Variants in EEFSEC observed in about 807,000 individuals in gnomAD.
EEFSEC encodes selenocysteine-specific elongation factor.
In EEFSEC, 43 loss-of-function variants were observed where a neutral mutation model predicts 42.1. That is an observed-to-expected ratio of 1.02 (90% CI 0.80 to 1.32). The LOEUF (loss-of-function observed/expected upper bound fraction) is 1.32. Among genes scored for constraint, EEFSEC ranks in the 40% most tolerant of loss-of-function variants. The pLI, the probability that EEFSEC is intolerant of heterozygous loss-of-function variation, is 0.00. For missense variants in EEFSEC, 745 were observed against 803.6 expected, an observed-to-expected ratio of 0.93 and a Z score of 0.88; for synonymous variants, 354 against 339.1, an observed-to-expected ratio of 1.04 and a Z score of -0.48.
At chr3:128,358,744 C>T (rs920118469) in intron 6 of EEFSEC, among the ~76,000 whole-genome samples, 5 of 152,124 alleles carry the variant, frequency 3.3e-5, no homozygotes, top group African/African-American at 1.2e-4. Flanking sequence ...GGGGGCCTGG[C>T]ATACTGTCCT....
At chr3:128,254,022 G>C (rs995851230) in intron 2 of EEFSEC, among the ~76,000 whole-genome samples, 9 of 152,192 alleles carry the variant, frequency 5.9e-5, no homozygotes, top group Non-Finnish European at 1.2e-4. Context: ...CAGGGCAGTG[G>C]GATGAGGTTT....
chr3:128,400,157 T>TA lies in EEFSEC; in HGVS notation c.1601-7911dup, dbSNP rs1490649017. On this transcript the variant is annotated intron_variant, in intron 6 of 6. Transcript: ENST00000254730. The stretch of plus-strand genomic sequence containing the variant: ...GCCTGCCTCCAGCCACGCCCTGACT[T>TA]AGAGGTCTCACTGGAGCACTGTGCC... 2.0e-5 allele frequency among the ~76,000 whole-genome samples: 3 copies of TA among 152,226 alleles called. 1 individual carries two copies. Among genetic ancestry groups the TA allele is most frequent in the Non-Finnish European group, 4.4e-5 (3 of 68,018 alleles).
chr3:128,248,023 G>C (rs1274660042), intron 2 of EEFSEC, among the ~76,000 whole-genome samples: 5 of 152,214 alleles, frequency 3.3e-5, no homozygotes, highest in Admixed American at 6.5e-5. Context: ...GGCACAGGGG[G>C]ACTGTGAGAC....
At position 128,322,659 on chromosome 3, in the gene EEFSEC, C is replaced by T. The variant is rs76504775; in HGVS notation, c.787-18574C>T. 5.9e-3 allele frequency among the ~76,000 whole-genome samples: 897 copies of T among 152,338 alleles called. 10 individuals are homozygous for T. The highest frequency in any genetic ancestry group is 0.02 in the African/African-American group (841 of 41,574). On this transcript the variant is annotated intron_variant, in intron 4 of 6. Transcript: ENST00000254730. ...GTGAGCCGTTCAGACATGAGAGTAG[C>T]GGCTGAGCTGATGGGGCAGAGACTC...
At chr3:128,412,372 A>C (rs2068180012), downstream of EEFSEC, among the ~76,000 whole-genome samples, 1 of 152,252 alleles carries the variant, frequency 6.6e-6, no homozygotes, top group Non-Finnish European at 1.5e-5. Context: ...GGGGGTTAGC[A>C]TCTCCAGATT....
At chr3:128,198,642 C>T (rs1199737176) in intron 1 of EEFSEC, among the ~76,000 whole-genome samples, 4 of 152,276 alleles carry the variant, frequency 2.6e-5, no homozygotes, top group Non-Finnish European at 5.9e-5. Flanking sequence ...ACACTGGGGA[C>T]ATTCCTTTCT....
At chr3:128,167,364 T>C (rs796736179) in intron 1 of EEFSEC, among the ~76,000 whole-genome samples, 7 of 152,350 alleles carry the variant, frequency 4.6e-5, no homozygotes, top group African/African-American at 1.7e-4. Context: ...AGAGTAAATA[T>C]TTGGTGCATG....
At chr3:128,365,578 ACCCCT>A (rs2067580979) in intron 6 of EEFSEC, among the ~76,000 whole-genome samples, 1 of 150,970 alleles carries the variant, frequency 6.6e-6, no homozygotes, top group Admixed American at 6.6e-5. Flanking sequence ...GTGTGCACCC[ACCCCT>A]CACCTGCCAG....
At chr3:128,219,683 A>G (rs1400515764) in intron 1 of EEFSEC, among the ~76,000 whole-genome samples, 1 of 152,114 alleles carries the variant, frequency 6.6e-6, no homozygotes, top group African/African-American at 2.4e-5. Flanking sequence ...ATCTCACACT[A>G]GAATGTAAAC....
intron 4 of EEFSEC, among the ~76,000 whole-genome samples, 192 bp downstream of exon 4, chr3:128,264,973 T>C (rs2066338507): frequency 6.6e-6 from 1 of 152,182 alleles, no homozygotes; most frequent in Non-Finnish European, 1.5e-5. Context: ...ATTCTAGGAC[T>C]GCTGCTCTCC....
chr3:128,224,714 T>G (rs564352308), intron 1 of EEFSEC, among the ~76,000 whole-genome samples: 68 of 152,344 alleles, frequency 4.5e-4, no homozygotes, highest in African/African-American at 1.5e-3. Context: ...ATAGACATTT[T>G]CTTGCGTAAA....
intron 1 of EEFSEC, among the ~76,000 whole-genome samples, chr3:128,199,696 C>T (rs890578971): frequency 3.9e-5 from 6 of 151,930 alleles, no homozygotes; most frequent in Non-Finnish European, 5.9e-5. Flanking sequence ...CCAAATTGCC[C>T]CTCCCTGCAA....
intron 6 of EEFSEC, among the ~76,000 whole-genome samples, chr3:128,362,584 ATG>A (rs2067540729): frequency 1.3e-5 from 2 of 152,358 alleles, no homozygotes; most frequent in African/African-American, 4.8e-5. Flanking sequence ...GGGACAGTTC[ATG>A]TGTGTGTCTG....
chr3:128,415,781 G>A, the EEFSEC span, among the ~76,000 whole-genome samples: 1 of 152,338 alleles, frequency 6.6e-6, no homozygotes, highest in East Asian at 1.9e-4. Flanking sequence ...CTCCAAGGAA[G>A]GTCTCCTGGC....
At chr3:128,314,091 G>A (rs2066918899) in intron 4 of EEFSEC, among the ~76,000 whole-genome samples, 1 of 152,142 alleles carries the variant, frequency 6.6e-6, no homozygotes, top group African/African-American at 2.4e-5. Flanking sequence ...CTACCGTAAG[G>A]ACATGCTGCT....
intron 1 of EEFSEC, among the ~76,000 whole-genome samples, chr3:128,187,645 C>T (rs764870902): frequency 3.0e-4 from 46 of 152,142 alleles, no homozygotes; most frequent in Non-Finnish European, 4.9e-4. Context: ...AAAAGGTGGC[C>T]CTGCCCCTTG....
the EEFSEC span, among the ~76,000 whole-genome samples, chr3:128,414,745 C>T: frequency 6.6e-6 from 1 of 152,226 alleles, no homozygotes; most frequent in Non-Finnish European, 1.5e-5. Flanking sequence ...CACCAGCGAC[C>T]TGCTCAGATT....
chr3:128,153,966 C>T (rs1015496140), intron 1 of EEFSEC, 143 bp downstream of exon 1: 37 of 1,244,192 alleles, frequency 3.0e-5, no homozygotes, highest in Non-Finnish European at 3.9e-5. Flanking sequence ...AAGAGGCGGA[C>T]GTGACTTGCC....
In EEFSEC at chr3:128,262,221, T is replaced by G. The variant is rs761944630; in HGVS notation, c.618T>G (p.Ile206Met). 6.2e-7 allele frequency: 1 copy of G among 1,613,922 alleles called. No individual in the cohort carries two copies. Among genetic ancestry groups the G allele is most frequent in the Non-Finnish European group, 8.5e-7 (1 of 1,179,834 alleles). Reference sequence around the variant, plus strand: ...CTCCACAGGGCATTCCAGAGCTCATTGAGGTACTGTCATCTTGAATCCAGG... The same window carrying G: ...CTCCACAGGGCATTCCAGAGCTCATGGAGGTACTGTCATCTTGAATCCAGG... ...TEAPQGIPEL[I>M]ELLTSQISIP... The change falls in exon 3 of 7, where the codon ATT becomes ATG. Residue 206 changes from isoleucine to methionine, a missense_variant. Ile to Met is a conservative substitution (Grantham distance 10, BLOSUM62 1). Coordinates refer to ENST00000254730, the MANE Select transcript of EEFSEC (RefSeq NM_021937.5).
Sources: allele counts gnomAD v4.1 joint callset (sites outside exome capture counted in the v4.1 genomes callset), GRCh38; gene constraint gnomAD v4.1.1; transcripts MANE v1.5; gene names NCBI Gene and HGNC (gene_info 2026-07-23, HGNC 2026-07-21).